Variants in MGAT4C observed in about 807,000 individuals in gnomAD.
MGAT4C encodes the protein alpha-1,3-mannosyl-glycoprotein 4-beta-N-acetylglucosaminyltransferase C.
A neutral mutation model predicts 40.1 loss-of-function variants in MGAT4C; 19 were observed. The observed-to-expected ratio is 0.47, with a 90% CI of 0.33 to 0.70. The LOEUF (loss-of-function observed/expected upper bound fraction) is 0.70, where lower values mean the gene tolerates loss of function less well. MGAT4C is among the 30% of genes least tolerant of loss of function. The pLI is 0.02. For missense variants in MGAT4C, 491 were observed against 563.2 expected, an observed-to-expected ratio of 0.87 and a Z score of 1.30; for synonymous variants, 181 against 187.1, an observed-to-expected ratio of 0.97 and a Z score of 0.27.
intron 1 of MGAT4C, among the ~76,000 whole-genome samples, chr12:86,124,004 C>T (rs1651598503): frequency 6.6e-6 from 1 of 151,896 alleles, no homozygotes; most frequent in African/African-American, 2.4e-5. Context: ...TCTACGACTC[C>T]ACCGATAGGA....
intron 1 of MGAT4C, among the ~76,000 whole-genome samples, chr12:86,794,456 A>G (rs971105244): frequency 2.6e-5 from 4 of 151,770 alleles, no homozygotes; most frequent in African/African-American, 9.7e-5. Context: ...TTCAGTTCCA[A>G]TCTGTTTTCT....
At chr12:86,067,646 TG>T (rs1290807032) in intron 1 of MGAT4C, among the ~76,000 whole-genome samples, 17 of 152,088 alleles carry the variant, frequency 1.1e-4, no homozygotes, top group Admixed American at 5.2e-4. Flanking sequence ...CCATGGCACT[TG>T]TATACCTATG....
chr12:86,545,023 C>A (rs1197666552), intron 2 of MGAT4C, among the ~76,000 whole-genome samples: 2 of 152,010 alleles, frequency 1.3e-5, no homozygotes, highest in Non-Finnish European at 2.9e-5. Flanking sequence ...TCCAAAAATT[C>A]TATGTCCAAA....
intron 1 of MGAT4C, among the ~76,000 whole-genome samples, chr12:86,165,553 T>C (rs1254057101): frequency 6.6e-6 from 1 of 152,136 alleles, no homozygotes; most frequent in African/African-American, 2.4e-5. Flanking sequence ...TATATTCAAG[T>C]ATGTGGTAGG....
At chr12:86,381,409 G>A (rs1423700786) in intron 3 of MGAT4C, among the ~76,000 whole-genome samples, 1 of 152,118 alleles carries the variant, frequency 6.6e-6, no homozygotes, top group African/African-American at 2.4e-5. Flanking sequence ...TTACGACCCG[G>A]GGAGGTCTCT....
Position 85,962,611 on chromosome 12 carries a change from AG to A in MGAT4C, c.*16677del, listed in dbSNP as rs1294979855. ...ATGGCTGAATTAAATGATTGAATGA[AG>A]GAGTGAAGGATGTAGATTGTTTAAG... On this transcript the variant is annotated 3_prime_UTR_variant, in exon 5 of 5. Coordinates refer to ENST00000611864, the MANE Select transcript of MGAT4C (RefSeq NM_001351288.2). 15 of 150,984 alleles carry A rather than the reference AG, an allele frequency of 9.9e-5. No homozygotes were observed. Among genetic ancestry groups the A allele is most frequent in the African/African-American group, 3.6e-4 (15 of 41,430 alleles). The allele number at this position is 150,984 out of a possible 1,614,324, so 9.4% of individuals were successfully genotyped here.
rs542756881 is a variant in MGAT4C at position 86,317,579 on chromosome 12, A to T, written c.-57+16486T>A. 2.0e-5 allele frequency among the ~76,000 whole-genome samples: 3 copies of T among 152,188 alleles called. No homozygotes were observed. The South Asian group carries it at 6.2e-4, about 32-fold the overall frequency. On this transcript the variant is annotated intron_variant, in intron 4 of 7. Coordinates refer to the MGAT4C transcript ENST00000548651. ...ACATTGAGAGTAGGAAGGATGTGTGACTGGGATGGTAGTTTTGACTTTGGG... is the reference window on the plus strand; with the variant it reads ...ACATTGAGAGTAGGAAGGATGTGTGTCTGGGATGGTAGTTTTGACTTTGGG...
In MGAT4C at chr12:86,689,919, C is replaced by A. The variant is rs545893025; in HGVS notation, c.-229+37290G>T. On this transcript the variant is annotated intron_variant, in intron 2 of 7. Coordinates refer to the MGAT4C transcript ENST00000548651. ...TCTGCTGAAGCTTAGCCCACAACAA[C>A]CCCTCTCCCCAGGTGCTCTGTCCCA... 1.4e-4 allele frequency among the ~76,000 whole-genome samples: 21 copies of A among 152,312 alleles called. No homozygotes were observed. The South Asian group carries it at 4.1e-3, about 30-fold the overall frequency.
intron 1 of MGAT4C, among the ~76,000 whole-genome samples, chr12:86,222,950 T>C (rs1230824233): frequency 2.6e-5 from 4 of 152,104 alleles, no homozygotes; most frequent in Non-Finnish European, 5.9e-5. Context: ...TTTACAACCC[T>C]AACTATGGGA....
chr12:86,681,185 A>G (rs1025053271), intron 2 of MGAT4C, among the ~76,000 whole-genome samples: 1 of 152,018 alleles, frequency 6.6e-6, no homozygotes, highest in Admixed American at 6.6e-5. Flanking sequence ...TATATTTAAG[A>G]ATTTAGATTT....
At chr12:86,553,458 C>T (rs372527252) in intron 2 of MGAT4C, among the ~76,000 whole-genome samples, 261 of 37,242 alleles carry the variant, frequency 7.0e-3, no homozygotes, top group African/African-American at 0.015. Context: ...CTTTTAAAGC[C>T]CATAACTAAG....
At chr12:86,046,274 C>G (rs2136954270) in intron 2 of MGAT4C, among the ~76,000 whole-genome samples, 2 of 152,250 alleles carry the variant, frequency 1.3e-5, no homozygotes, top group Non-Finnish European at 2.9e-5. Flanking sequence ...TTCAAGCTGA[C>G]TTTTTAATAT....
intron 2 of MGAT4C, among the ~76,000 whole-genome samples, chr12:86,636,533 T>C (rs1963224215): frequency 6.6e-6 from 1 of 152,014 alleles, no homozygotes; most frequent in African/African-American, 2.4e-5. Flanking sequence ...AGTACCTTTA[T>C]AAGAAAAGAA....
intron 1 of MGAT4C, among the ~76,000 whole-genome samples, chr12:86,215,648 T>C (rs995674171): frequency 2.0e-5 from 3 of 152,190 alleles, no homozygotes; most frequent in African/African-American, 7.2e-5. Flanking sequence ...TTCACGTTGC[T>C]GTGGGGAGCT....
At chr12:86,441,128 T>C (rs1247123859) in intron 2 of MGAT4C, among the ~76,000 whole-genome samples, 1 of 151,948 alleles carries the variant, frequency 6.6e-6, no homozygotes, top group Non-Finnish European at 1.5e-5. Flanking sequence ...TAAAATTTCT[T>C]TGGAACCAAG....
At chr12:86,423,096 G>C (rs1956859243) in intron 3 of MGAT4C, among the ~76,000 whole-genome samples, 1 of 151,992 alleles carries the variant, frequency 6.6e-6, no homozygotes, top group Admixed American at 6.5e-5. Context: ...TCTGAGATTT[G>C]TTTTGCAACT....
At chr12:86,669,295 C>T (rs1186334983) in intron 2 of MGAT4C, among the ~76,000 whole-genome samples, 2 of 152,010 alleles carry the variant, frequency 1.3e-5, no homozygotes, top group East Asian at 3.9e-4. Context: ...AACAGCCCCA[C>T]CTTTCCTGTG....
chr12:86,506,884 ATCT>A (rs1592931035), intron 2 of MGAT4C, among the ~76,000 whole-genome samples: 1 of 152,178 alleles, frequency 6.6e-6, no homozygotes, highest in Non-Finnish European at 1.5e-5. Context: ...AAAGGTTAAA[ATCT>A]TCTTCGTAAG....
intron 3 of MGAT4C, among the ~76,000 whole-genome samples, chr12:86,396,694 T>C (rs1159190966): frequency 2.0e-5 from 3 of 152,264 alleles, no homozygotes; most frequent in African/African-American, 7.2e-5. Context: ...GTGACAAAGA[T>C]ACAATGCCAT....
Sources: allele counts gnomAD v4.1 joint callset (sites outside exome capture counted in the v4.1 genomes callset), GRCh38; gene constraint gnomAD v4.1.1; transcripts MANE v1.5; gene names NCBI Gene and HGNC (gene_info 2026-07-23, HGNC 2026-07-21).